AHI1: variants seen among roughly 807,000 people sequenced by gnomAD.
AHI1 encodes jouberin.
A neutral mutation model predicts 149.3 loss-of-function variants in AHI1; 123 were observed. The ratio of observed to expected loss-of-function variants is 0.82; its 90% confidence interval spans 0.71 to 0.96. The LOEUF (loss-of-function observed/expected upper bound fraction) is 0.96. Ranked by LOEUF, AHI1 falls within the 40% of genes least tolerant of loss-of-function variation. The pLI is 0.00. For synonymous variants in AHI1, 475 were observed against 459.8 expected (o/e 1.03, Z -0.42); for missense variants, 1,439 against 1,422.7 (o/e 1.01, Z -0.18).
rs1371212971 is a variant in AHI1, at chr6:135,492,209, A to G, written c.10+19T>C. 2.0e-6 allele frequency: 3 copies of G among 1,501,572 alleles called. No homozygotes were observed. Among genetic ancestry groups the G allele is most frequent in the Non-Finnish European group, 2.7e-6 (3 of 1,118,158 alleles). 93.0% of individuals were successfully genotyped at this position (1,501,572 alleles called of 1,614,324 possible). On this transcript the variant is annotated intron_variant, in intron 4 of 28. Transcript: ENST00000265602. ...GTATAAAATATAAATTTTATACATA[A>G]ATTTCATAGAAGTCTTACCTGTAGG...
chr6:135,436,889 A>G (rs1445193199), intron 15 of AHI1, among the ~76,000 whole-genome samples: 3 of 152,224 alleles, frequency 2.0e-5, no homozygotes, highest in Admixed American at 2.0e-4. Flanking sequence ...GGCATAAGCC[A>G]CTGCGCCCGG....
rs1425036003 is a variant in AHI1, at chr6:135,318,596, G to A, written c.3349C>T (p.Pro1117Ser). 2.5e-6 allele frequency: 4 copies of A among 1,604,224 alleles called. No homozygotes were observed. Among genetic ancestry groups the A allele is most frequent in the Non-Finnish European group, 3.4e-6 (4 of 1,175,232 alleles). The change falls in exon 26 of 29, where the codon CCT becomes TCT. Residue 1117 changes from proline to serine, a missense_variant. By Grantham distance (74) the Pro-to-Ser change is moderately conservative. Transcript: ENST00000265602. ...ASETLYQELPPEIKERSPPLS... is the reference protein window; with the variant it reads ...ASETLYQELPSEIKERSPPLS... Reference sequence around the variant, plus strand: ...GGAGGGGATCGCTCCTTTATCTCAGGAGGCAGTTCTTGATACAGTGCTGAA... The same window carrying A: ...GGAGGGGATCGCTCCTTTATCTCAGAAGGCAGTTCTTGATACAGTGCTGAA...
At chr6:135,292,651 T>C (rs557301805) in intron 27 of AHI1, among the ~76,000 whole-genome samples, 3 of 152,262 alleles carry the variant, frequency 2.0e-5, no homozygotes, top group Admixed American at 2.0e-4. Flanking sequence ...CCACTAGCAA[T>C]GAACAGAACT....
intron 13 of AHI1, 122 bp downstream of exon 13, chr6:135,446,886 G>T: frequency 1.9e-6 from 2 of 1,043,904 alleles, no homozygotes; most frequent in Non-Finnish European, 2.7e-6. Flanking sequence ...GCAAAATTGT[G>T]GTTAAAAACA....
chr6:135,433,902 T>C (rs1017021662), intron 15 of AHI1, among the ~76,000 whole-genome samples: 2 of 151,998 alleles, frequency 1.3e-5, no homozygotes, highest in Non-Finnish European at 1.5e-5. Flanking sequence ...CTCTAAATAA[T>C]GGCTAACTAA....
At chr6:135,326,159 T>G (rs1787648979) in intron 24 of AHI1, among the ~76,000 whole-genome samples, 1 of 152,246 alleles carries the variant, frequency 6.6e-6, no homozygotes, top group Non-Finnish European at 1.5e-5. Flanking sequence ...GACTGAATTG[T>G]GTCACTCAAA....
chr6:135,362,522 A>T lies in AHI1; in HGVS notation c.3110-4335T>A, dbSNP rs72978262. On this transcript the variant is annotated intron_variant, in intron 23 of 28. Coordinates refer to ENST00000265602, the MANE Select transcript of AHI1 (RefSeq NM_001134831.2). ...GATGTTCCCTTTTCACCACATTTAC[A>T]CCAACATCTATTATTTTTTGATTAT... is the stretch of plus-strand genomic sequence containing the variant. 7.6e-3 allele frequency among the ~76,000 whole-genome samples: 1,161 copies of T among 152,214 alleles called. 9 individuals are homozygous for T. Among genetic ancestry groups the T allele is most frequent in the South Asian group, 0.017 (82 of 4,820 alleles).
At chr6:135,344,838 T>C (rs1000757852) in intron 24 of AHI1, among the ~76,000 whole-genome samples, 52 of 151,964 alleles carry the variant, frequency 3.4e-4, no homozygotes, top group African/African-American at 1.3e-3. Flanking sequence ...GAATAAAGAA[T>C]GGCTACTCCA....
rs1336295657 is a variant in AHI1, at chr6:135,429,928, A to C, written c.2446T>G (p.Leu816Val). 4 of 1,591,832 alleles carry C rather than the reference A, an allele frequency of 2.5e-6. No individual in the cohort carries two copies. The highest frequency in any genetic ancestry group is 3.4e-6 in the Non-Finnish European group (4 of 1,167,370). Residue 816 changes from leucine to valine, a missense_variant, in exon 18 of 29, where the codon TTA (leucine) becomes GTA (valine). By Grantham distance (32) the Leu-to-Val change is conservative (BLOSUM62 1). Coordinates refer to ENST00000265602, the MANE Select transcript of AHI1 (RefSeq NM_001134831.2). ...LEIHPNGKRL[L>V]IHTKDSTLRI... Reference sequence around the variant, plus strand: ...AAAGTACTGTCTTTGGTATGGATTAACAAACGTTTTCCATTGGGATGAATC... The same window carrying C: ...AAAGTACTGTCTTTGGTATGGATTACCAAACGTTTTCCATTGGGATGAATC...
intron 28 of AHI1, among the ~76,000 whole-genome samples, chr6:135,289,400 C>G (rs1782065925): frequency 6.6e-6 from 1 of 151,912 alleles, no homozygotes; most frequent in Admixed American, 6.5e-5. Context: ...GAGGCTGAGG[C>G]AGGAGAATCA....
chr6:135,446,604 A>G (rs1434580351), intron 13 of AHI1, among the ~76,000 whole-genome samples: 2 of 152,176 alleles, frequency 1.3e-5, no homozygotes, highest in African/African-American at 2.4e-5. Context: ...CTCTCTCTCC[A>G]CCATGTGAGA....
At chr6:135,463,990 G>A (rs555802211) in intron 7 of AHI1, among the ~76,000 whole-genome samples, 6 of 152,110 alleles carry the variant, frequency 3.9e-5, no homozygotes, top group African/African-American at 1.2e-4. Flanking sequence ...ATTCCTTGGT[G>A]AGTCACTACA....
chr6:135,354,159 A>T (rs1184497226), intron 24 of AHI1, among the ~76,000 whole-genome samples: 1 of 152,140 alleles, frequency 6.6e-6, no homozygotes, highest in South Asian at 2.1e-4. Context: ...TTGCTAAAAG[A>T]AGCTTTGTTC....
rs182699638 is a variant in AHI1, at chr6:135,434,371, T to C, written c.2037-1115A>G. Reference sequence around the variant, plus strand: ...TGAATGAATCAATTGCACAAGCATTTTTACCACAGTGTATTCTCAATAAGC... The same window carrying C: ...TGAATGAATCAATTGCACAAGCATTCTTACCACAGTGTATTCTCAATAAGC... On this transcript the variant is annotated intron_variant, in intron 15 of 28. Transcript: ENST00000265602. Among the ~76,000 whole-genome samples, 32 of 152,106 alleles carry C rather than the reference T, an allele frequency of 2.1e-4. No homozygotes were observed. The East Asian group carries it at 3.1e-3, about 15-fold the overall frequency.
intron 23 of AHI1, among the ~76,000 whole-genome samples, chr6:135,376,099 G>A (rs1458336072): frequency 6.6e-6 from 1 of 151,764 alleles, no homozygotes; most frequent in Non-Finnish European, 1.5e-5. Context: ...GGAATGGGGG[G>A]CGGGGCGGGG....
chr6:135,462,744 T>C (rs924597863), intron 8 of AHI1, among the ~76,000 whole-genome samples: 6 of 151,946 alleles, frequency 3.9e-5, no homozygotes, highest in Admixed American at 1.3e-4. Context: ...CTACTAACAA[T>C]ACAAAAATTA....
At chr6:135,376,985 A>C (rs1365556555) in intron 23 of AHI1, among the ~76,000 whole-genome samples, 1 of 149,348 alleles carries the variant, frequency 6.7e-6, no homozygotes, top group African/African-American at 2.4e-5. Context: ...AGATTAACTG[A>C]TATTAATGAC....
chr6:135,438,275 A>T, intron 15 of AHI1, 100 bp downstream of exon 15: 2 of 1,151,928 alleles, frequency 1.7e-6, no homozygotes, highest in South Asian at 6.7e-5. Context: ...TTCTTGGGAA[A>T]ATACGACTGG....
chr6:135,407,549 CA>C (rs1390776236), intron 21 of AHI1, among the ~76,000 whole-genome samples: 16 of 152,296 alleles, frequency 1.1e-4, no homozygotes, highest in African/African-American at 3.8e-4. Context: ...GCAAAACTTT[CA>C]TTTCCAAAGG....
Sources: allele counts gnomAD v4.1 joint callset (sites outside exome capture counted in the v4.1 genomes callset), GRCh38; gene constraint gnomAD v4.1.1; transcripts MANE v1.5; gene names NCBI Gene and HGNC (gene_info 2026-07-23, HGNC 2026-07-21).